Variants in SLC5A1 observed in about 807,000 individuals in gnomAD.
The protein encoded by SLC5A1 is solute carrier family 5 member 1, also known as sodium/glucose cotransporter 1.
A neutral mutation model predicts 73.5 loss-of-function variants in SLC5A1; 42 were observed. That is an observed-to-expected ratio of 0.57 (90% CI 0.45 to 0.74). The LOEUF is 0.74. Among genes scored for constraint, SLC5A1 ranks in the 30% least tolerant of loss-of-function variants. The probability of loss-of-function intolerance (pLI) is 0.00; values close to 1 mark genes in which losing one functional copy is unlikely to be tolerated. For missense variants in SLC5A1, 634 were observed against 855.4 expected (o/e 0.74, Z 3.23); for synonymous variants, 300 against 317.4 (o/e 0.95, Z 0.58).
chr22:32,068,189 T>C (rs7285895), intron 4 of SLC5A1, among the ~76,000 whole-genome samples, 163 bp downstream of exon 4: 4,704 of 152,242 alleles, frequency 0.031, 220 homozygotes, highest in African/African-American at 0.1. Flanking sequence ...AGTGGCATTA[T>C]ATGGATATAT....
At chr22:32,093,352 T>G (rs2094021175) in intron 11 of SLC5A1, among the ~76,000 whole-genome samples, 1 of 152,196 alleles carries the variant, frequency 6.6e-6, no homozygotes, top group Non-Finnish European at 1.5e-5. Context: ...ATGATGGTGG[T>G]ATTTTGATGT....
intron 12 of SLC5A1, among the ~76,000 whole-genome samples, chr22:32,101,788 G>A (rs1033691584): frequency 1.3e-5 from 2 of 152,006 alleles, no homozygotes; most frequent in African/African-American, 4.8e-5. Flanking sequence ...TTTAATGATC[G>A]AGGTGAAATC....
At chr22:32,061,505 C>T (rs1258000441) in intron 2 of SLC5A1, among the ~76,000 whole-genome samples, 1 of 151,718 alleles carries the variant, frequency 6.6e-6, no homozygotes, top group East Asian at 1.9e-4. Context: ...AAGGGGGAAA[C>T]ATTAAATTTG....
intron 9 of SLC5A1, among the ~76,000 whole-genome samples, chr22:32,085,926 G>A (rs930334049): frequency 1.3e-5 from 2 of 152,102 alleles, no homozygotes; most frequent in Non-Finnish European, 2.9e-5. Context: ...TGGATCACGA[G>A]GTCAGGAGAT....
At position 32,081,900 on chromosome 22, in the gene SLC5A1, T is replaced by C; in HGVS notation, c.512T>C (p.Leu171Pro). 6.2e-7 allele frequency: 1 copy of C among 1,613,820 alleles called. No homozygotes were observed. The highest frequency in any genetic ancestry group is 8.5e-7 in the Non-Finnish European group (1 of 1,179,800). Residue 171 changes from leucine to proline, a missense_variant, in exon 6 of 15, where the codon CTG (leucine) becomes CCG (proline). Coordinates refer to ENST00000266088, the MANE Select transcript of SLC5A1 (RefSeq NM_000343.4). ...DIFSGAIFIN[L>P]ALGLNLYLAI... is the part of the protein sequence containing the mutation. ...TTCTCGGGGGCCATATTCATCAATCTGGCCTTAGGCCTGAATCTGTATTTA... is the reference window on the plus strand; with the variant it reads ...TTCTCGGGGGCCATATTCATCAATCCGGCCTTAGGCCTGAATCTGTATTTA...
Position 32,049,955 on chromosome 22 carries a change from A to C in SLC5A1, c.148A>C (p.Thr50Pro). Residue 50 changes from threonine (T) to proline (P), a missense_variant, in exon 2 of 15, where the codon ACC becomes CCC. By Grantham distance (38) the Thr-to-Pro change is conservative. Coordinates refer to ENST00000266088, the MANE Select transcript of SLC5A1 (RefSeq NM_000343.4). The part of the protein sequence containing the change: ...MAVGLWAMFS[T>P]NRGTVGGFFL... ...CTTTCCTCCTCAGGCTATGTTTTCC[A>C]CCAATCGTGGGACTGTTGGAGGCTT... The C allele has an allele frequency of 6.2e-7, 1 of 1,614,046 alleles. No homozygotes were observed. Among genetic ancestry groups the C allele is most frequent in the Non-Finnish European group, 8.5e-7 (1 of 1,179,942 alleles).
At chr22:32,080,975 C>A (rs7287793) in intron 5 of SLC5A1, among the ~76,000 whole-genome samples, 1 of 152,126 alleles carries the variant, frequency 6.6e-6, no homozygotes, top group Non-Finnish European at 1.5e-5. Flanking sequence ...GCCCGGGCGA[C>A]AGAGTGAGAC....
chr22:32,081,345 C>T (rs1325123046), intron 5 of SLC5A1, among the ~76,000 whole-genome samples: 1 of 152,108 alleles, frequency 6.6e-6, no homozygotes, highest in Non-Finnish European at 1.5e-5. Context: ...TCAAGATGGA[C>T]TGCATCCGGG....
At chr22:32,080,608 G>A (rs1385222956) in intron 5 of SLC5A1, among the ~76,000 whole-genome samples, 3 of 152,144 alleles carry the variant, frequency 2.0e-5, no homozygotes, top group African/African-American at 4.8e-5. Context: ...TGCTGTTTGC[G>A]TGCCGTGAAA....
chr22:32,109,640 T>G (rs1284175721), intron 14 of SLC5A1, among the ~76,000 whole-genome samples: 2 of 152,238 alleles, frequency 1.3e-5, no homozygotes, highest in Non-Finnish European at 2.9e-5. Flanking sequence ...TTTTCCTTCC[T>G]ATGGCACAAT....
At chr22:32,048,384 G>A (rs927267766) in intron 1 of SLC5A1, among the ~76,000 whole-genome samples, 6 of 152,178 alleles carry the variant, frequency 3.9e-5, no homozygotes, top group Non-Finnish European at 7.3e-5. Flanking sequence ...AGGGATCTGT[G>A]GGAGGAGCTG....
intron 12 of SLC5A1, among the ~76,000 whole-genome samples, chr22:32,101,386 A>C (rs1472015403): frequency 6.6e-6 from 1 of 152,194 alleles, no homozygotes; most frequent in East Asian, 1.9e-4. Flanking sequence ...CTGGTCTCTT[A>C]AAGTCTTCCA....
At position 32,091,751 on chromosome 22, in the gene SLC5A1, G is replaced by C; in HGVS notation, c.1269G>C (p.Met423Ile). The C allele has an allele frequency of 6.2e-7, 1 of 1,613,896 alleles. No homozygotes were observed. The highest frequency in any genetic ancestry group is 1.1e-5 in the South Asian group (1 of 91,066). ...AGAGAGCATCTGAGAAAGAGCTCAT[G>C]ATTGCCGGAAGGTAAATGCAGCTTC... The part of the protein sequence containing the change: ...VRKRASEKEL[M>I]IAGRLFILVL... Residue 423 changes from methionine to isoleucine, a missense_variant, in exon 11 of 15, where the codon ATG becomes ATC. Physicochemically the swap from Met to Ile is conservative, Grantham distance 10. This residue lies in a region of SLC5A1 where 422 missense variants were observed against 626.1 expected (regional missense o/e 0.67). Transcript: ENST00000266088.
chr22:32,099,651 T>G (rs1422985633), intron 12 of SLC5A1, among the ~76,000 whole-genome samples: 1 of 152,090 alleles, frequency 6.6e-6, no homozygotes, highest in Non-Finnish European at 1.5e-5. Flanking sequence ...GGTCTTGAAC[T>G]CCTGAGCTCA....
At chr22:32,059,361 T>G in intron 2 of SLC5A1, 5 of 984,994 alleles carry the variant, frequency 5.1e-6, no homozygotes, top group Non-Finnish European at 6.0e-6. Context: ...GATTGGAGGA[T>G]GGAGATCGGC....
At chr22:32,096,982 T>G (rs147785614) in intron 11 of SLC5A1, among the ~76,000 whole-genome samples, 1 of 152,254 alleles carries the variant, frequency 6.6e-6, no homozygotes, top group African/African-American at 2.4e-5. Flanking sequence ...CCATAGAAAG[T>G]AGCACTGTTA....
intron 5 of SLC5A1, among the ~76,000 whole-genome samples, chr22:32,078,953 C>CAA (rs2093995168): frequency 2.8e-5 from 1 of 35,632 alleles, no homozygotes; most frequent in African/African-American, 1.3e-4. Context: ...GACTCTGTCT[C>CAA]CAAAAAAAAA....
chr22:32,106,973 C>T (rs1009853937), intron 14 of SLC5A1, among the ~76,000 whole-genome samples: 1 of 152,114 alleles, frequency 6.6e-6, no homozygotes. Flanking sequence ...ATCATTTGGT[C>T]TTATCATCTC....
intron 5 of SLC5A1, among the ~76,000 whole-genome samples, chr22:32,077,385 T>C (rs1347284773): frequency 6.6e-6 from 1 of 151,126 alleles, no homozygotes; most frequent in Non-Finnish European, 1.5e-5. Flanking sequence ...CGTTCTCTCT[T>C]TCCTTCTCTC....
Sources: allele counts gnomAD v4.1 joint callset (sites outside exome capture counted in the v4.1 genomes callset), GRCh38; gene constraint gnomAD v4.1.1; regional missense constraint gnomAD v4.1.1; transcripts MANE v1.5; gene names NCBI Gene and HGNC (gene_info 2026-07-23, HGNC 2026-07-21).